NELL2: variants seen among roughly 807,000 people sequenced by gnomAD.
NELL2 encodes protein kinase C-binding protein NELL2.
In NELL2, 41 loss-of-function variants were observed where a neutral mutation model predicts 109.6. The observed-to-expected ratio is 0.37, with a 90% CI of 0.29 to 0.49. The LOEUF (loss-of-function observed/expected upper bound fraction) is 0.49, where lower values mean the gene tolerates loss of function less well. Ranked by LOEUF, NELL2 falls within the 20% of genes least tolerant of loss-of-function variation. NELL2 has a pLI of 0.98. For missense variants in NELL2, 900 were observed against 1,008.3 expected (o/e 0.89, Z 1.45); for synonymous variants, 355 against 344.7 (o/e 1.03, Z -0.33).
chr12:44,891,890 G>A (rs953232861), intron 1 of NELL2, among the ~76,000 whole-genome samples: 1 of 152,218 alleles, frequency 6.6e-6, no homozygotes, highest in Non-Finnish European at 1.5e-5. Context: ...AGAACAATAT[G>A]TTTTGCTAAT....
intron 3 of NELL2, among the ~76,000 whole-genome samples, chr12:44,805,259 G>A (rs1374614248): frequency 6.6e-6 from 1 of 151,736 alleles, no homozygotes; most frequent in Non-Finnish European, 1.5e-5. Flanking sequence ...ACTGATTCTA[G>A]TTATTCCCAA....
chr12:44,744,057 A>T (rs144054595), intron 9 of NELL2, among the ~76,000 whole-genome samples: 9,285 of 152,098 alleles, frequency 0.061, 386 homozygotes, highest in Non-Finnish European at 0.089. Context: ...GAAGTAAAGC[A>T]CTCCTCAGCA....
chr12:44,848,839 GC>G, intron 2 of NELL2, among the ~76,000 whole-genome samples: 1 of 152,264 alleles, frequency 6.6e-6, no homozygotes, highest in East Asian at 1.9e-4. Context: ...AGGGTCACAA[GC>G]CAGTAACCCC....
intron 9 of NELL2, among the ~76,000 whole-genome samples, chr12:44,746,816 T>C (rs1432672028): frequency 6.6e-6 from 1 of 152,078 alleles, no homozygotes; most frequent in Non-Finnish European, 1.5e-5. Context: ...CTGGAGAGGA[T>C]GTGGAGAAAT....
chr12:44,786,925 T>C (rs1476451185), intron 3 of NELL2, among the ~76,000 whole-genome samples: 5 of 151,732 alleles, frequency 3.3e-5, no homozygotes, highest in Non-Finnish European at 7.4e-5. Flanking sequence ...ACCTAATGCA[T>C]GCGGGGCTTA....
intron 13 of NELL2, among the ~76,000 whole-genome samples, chr12:44,615,997 G>T (rs7958389): frequency 0.59 from 89,091 of 151,942 alleles, 26,747 homozygotes; most frequent in East Asian, 0.73. Context: ...CTCTTGAAGC[G>T]CAACATTAAA....
chr12:44,591,791 A>G (rs1169527507), intron 15 of NELL2, among the ~76,000 whole-genome samples: 1 of 152,196 alleles, frequency 6.6e-6, no homozygotes, highest in East Asian at 1.9e-4. Context: ...AAGAAATGAT[A>G]ACTGTTTGAG....
chr12:44,544,454 T>C (rs1052146757), intron 15 of NELL2, among the ~76,000 whole-genome samples: 2 of 152,166 alleles, frequency 1.3e-5, no homozygotes, highest in Non-Finnish European at 2.9e-5. Context: ...GGTATGGTGC[T>C]AGTCATATGC....
chr12:44,547,028 T>G (rs1942824939), intron 15 of NELL2, among the ~76,000 whole-genome samples: 1 of 152,174 alleles, frequency 6.6e-6, no homozygotes, highest in African/African-American at 2.4e-5. Flanking sequence ...TTTAAAAGAT[T>G]TATATGGTGA....
intron 9 of NELL2, among the ~76,000 whole-genome samples, chr12:44,719,958 C>G (rs1371722176): frequency 6.6e-6 from 1 of 152,052 alleles, no homozygotes; most frequent in Admixed American, 6.5e-5. Flanking sequence ...CAAAGTCAAA[C>G]AAAAAATTTT....
intron 2 of NELL2, among the ~76,000 whole-genome samples, chr12:44,849,928 T>C (rs1329892449): frequency 1.3e-5 from 2 of 152,170 alleles, no homozygotes; most frequent in African/African-American, 4.8e-5. Context: ...AATCCAAATA[T>C]AGCAAAACTA....
chr12:44,653,162 A>G (rs1393119179), intron 13 of NELL2, among the ~76,000 whole-genome samples: 1 of 152,220 alleles, frequency 6.6e-6, no homozygotes, highest in Non-Finnish European at 1.5e-5. Flanking sequence ...AATACCAACA[A>G]TAATAACAAG....
intron 2 of NELL2, among the ~76,000 whole-genome samples, chr12:44,848,260 A>G (rs566256861): frequency 1.3e-4 from 20 of 152,200 alleles, no homozygotes; most frequent in Admixed American, 3.9e-4. Context: ...TGGTGAAGTG[A>G]CTTTATAGAA....
At chr12:44,667,060 C>T (rs1947948915) in intron 12 of NELL2, among the ~76,000 whole-genome samples, 1 of 152,214 alleles carries the variant, frequency 6.6e-6, no homozygotes, top group Non-Finnish European at 1.5e-5. Context: ...ACTCCCAACG[C>T]AGTGCTACCT....
chr12:44,669,130 A>G (rs1948051753), intron 12 of NELL2, among the ~76,000 whole-genome samples: 2 of 152,206 alleles, frequency 1.3e-5, no homozygotes, highest in Admixed American at 1.3e-4. Flanking sequence ...CATAGATACC[A>G]ATGATACTAA....
intron 9 of NELL2, among the ~76,000 whole-genome samples, chr12:44,768,236 C>T (rs907034654): frequency 3.3e-5 from 5 of 152,094 alleles, no homozygotes; most frequent in African/African-American, 4.8e-5. Context: ...ATTGCCAATT[C>T]GGTATTTTTC....
At chr12:44,889,836 T>G (rs904418292) in intron 1 of NELL2, among the ~76,000 whole-genome samples, 1 of 152,252 alleles carries the variant, frequency 6.6e-6, no homozygotes, top group African/African-American at 2.4e-5. Flanking sequence ...TAAAGAAAAT[T>G]TATTAAGTTC....
At chr12:44,537,930 A>C (rs1942368182) in intron 15 of NELL2, among the ~76,000 whole-genome samples, 1 of 152,200 alleles carries the variant, frequency 6.6e-6, no homozygotes, top group South Asian at 2.1e-4. Flanking sequence ...GTAAAAATGG[A>C]AAACCATAAA....
At chr12:44,574,265 C>G (rs965828553) in intron 15 of NELL2, among the ~76,000 whole-genome samples, 5 of 151,828 alleles carry the variant, frequency 3.3e-5, no homozygotes, top group Admixed American at 3.3e-4. Context: ...CAACGCCTGG[C>G]TATGTTCTGT....
Sources: gnomAD v4.1 joint callset for allele counts (sites outside exome capture counted in the v4.1 genomes callset) on GRCh38, gnomAD v4.1.1 for gene constraint, MANE v1.5 for transcripts, NCBI Gene and HGNC (gene_info 2026-07-23, HGNC 2026-07-21) for gene names.